The following PCDHGA10 variants were observed in gnomAD, a reference collection of about 807,000 sequenced individuals.
The protein encoded by PCDHGA10 is protocadherin gamma-A10.
A neutral mutation model predicts 59.5 loss-of-function variants in PCDHGA10; 42 were observed. The observed-to-expected ratio is 0.71, with a 90% CI of 0.55 to 0.91. The LOEUF is 0.91. Ranked by LOEUF, PCDHGA10 falls within the 40% of genes least tolerant of loss-of-function variation. The probability of loss-of-function intolerance (pLI) is 0.00; values close to 1 mark genes in which losing one functional copy is unlikely to be tolerated. For synonymous variants in PCDHGA10, 511 were observed against 517.2 expected (o/e 0.99, Z 0.16); for missense variants, 1,111 against 1,198.2 (o/e 0.93, Z 1.07).
chr5:141,416,722 A>G (rs891558095), intron 1 of PCDHGA10: 3 of 152,258 alleles, frequency 2.0e-5, no homozygotes, highest in Admixed American at 6.5e-5. Context: ...TGATGAGTTC[A>G]TTTAGTTCAA....
At chr5:141,449,658 C>T (rs1413506303) in intron 1 of PCDHGA10, among the ~76,000 whole-genome samples, 5 of 149,582 alleles carry the variant, frequency 3.3e-5, no homozygotes, top group Admixed American at 3.3e-4. Flanking sequence ...TTTACATACA[C>T]ACCCAAGTGT....
At position 141,414,543 on chromosome 5, in the gene PCDHGA10, C is replaced by T. The variant is rs369387885; in HGVS notation, c.1368C>T (p.Phe456=). The T allele has an allele frequency of 5.0e-6, 8 of 1,613,880 alleles. No individual in the cohort carries two copies. The African/African-American group carries it at 1.1e-4, about 22-fold the overall frequency. ...VADINDNPPT[F]SQVSYFTYIP... is the part of the protein sequence containing the mutation. ...ATATCAATGACAACCCACCTACCTT[C>T]TCTCAAGTCTCCTACTTTACCTATA... The change falls in exon 1 of 4, where the codon TTC becomes TTT. Residue 456 remains phenylalanine (F), a synonymous_variant. Transcript: ENST00000398610.
chr5:141,499,418 A>G (rs143234735), intron 2 of PCDHGA10, among the ~76,000 whole-genome samples: 1 of 152,296 alleles, frequency 6.6e-6, no homozygotes, highest in East Asian at 1.9e-4. Context: ...GAAACATGAA[A>G]AATAGAAAAA....
chr5:141,421,358 C>T (rs2096566137), intron 1 of PCDHGA10: 1 of 1,613,870 alleles, frequency 6.2e-7, no homozygotes, highest in Non-Finnish European at 8.5e-7. Context: ...GAAAAGGGCT[C>T]CTTCGTGGGC....
At chr5:141,435,421 C>T (rs1384040447) in intron 1 of PCDHGA10, among the ~76,000 whole-genome samples, 2 of 152,096 alleles carry the variant, frequency 1.3e-5, no homozygotes, top group Non-Finnish European at 2.9e-5. Context: ...CTATTTTTCA[C>T]TTCTGTTATG....
chr5:141,505,507 A>G, intron 3 of PCDHGA10, 26 bp downstream of exon 3: 1 of 1,614,004 alleles, frequency 6.2e-7, no homozygotes, highest in South Asian at 1.1e-5. Flanking sequence ...GTGTGTATGG[A>G]AGAGTGGGAG....
intron 1 of PCDHGA10, among the ~76,000 whole-genome samples, chr5:141,481,913 CAAAAA>C (rs34114744): frequency 1.1e-5 from 1 of 90,852 alleles, no homozygotes; most frequent in Non-Finnish European, 2.2e-5. Flanking sequence ...AACTCCATCT[CAAAAA>C]AAAAAAAAAA....
In PCDHGA10 at chr5:141,451,935, A is replaced by G. The variant is rs148815534; in HGVS notation, c.2436+36324A>G. Among the ~76,000 whole-genome samples, 120 of 152,282 alleles carry G rather than the reference A, an allele frequency of 7.9e-4. 5 individuals carry two copies. The East Asian group carries it at 0.017, about 21-fold the overall frequency. ...GAGGAAGGAAGGGAGGTAGGGAGGC[A>G]GGGAAAGACCGAGAAAGTGACATAC... On this transcript the variant is annotated intron_variant, in intron 1 of 3. Coordinates refer to ENST00000398610, the MANE Select transcript of PCDHGA10 (RefSeq NM_018913.3).
In PCDHGA10 at chr5:141,430,200, T is replaced by G. The variant is rs182960813; in HGVS notation, c.2436+14589T>G. Among the ~76,000 whole-genome samples the G allele has an allele frequency of 8.2e-4, 124 of 152,052 alleles. 2 individuals are homozygous for G. Among genetic ancestry groups the G allele is most frequent in the African/African-American group, 2.9e-3 (119 of 41,468 alleles). ...CCCAAATTATAGCTGAATCAGAAAG[T>G]TTAAATTATTATATTATATGATTTG... On this transcript the variant is annotated intron_variant, in intron 1 of 3. Transcript: ENST00000398610.
In PCDHGA10 at chr5:141,459,848, C is replaced by T. The variant is rs573481876; in HGVS notation, c.2437-34959C>T. Among the ~76,000 whole-genome samples the T allele has an allele frequency of 1.1e-4, 16 of 152,244 alleles. No homozygotes were observed. In the South Asian group the frequency reaches 2.5e-3, roughly 24 times the overall value. ...TTTCATGTGTTGTCTATTTGTATATCTTCTTGAAGCATTCGTTCATCTTTA... is the reference window on the plus strand; with the variant it reads ...TTTCATGTGTTGTCTATTTGTATATTTTCTTGAAGCATTCGTTCATCTTTA... On this transcript the variant is annotated intron_variant, in intron 1 of 3. Transcript: ENST00000398610.
rs62379205 is a variant in PCDHGA10, at chr5:141,491,971, T to G, written c.2437-2836T>G. On this transcript the variant is annotated intron_variant, in intron 1 of 3. Coordinates refer to ENST00000398610, the MANE Select transcript of PCDHGA10 (RefSeq NM_018913.3). This position sits in a 1 kb window ranked among gnomAD's most constrained non-coding sequence, Gnocchi z 6.9. ...CCTACACTCAAAAAAGGCCGGGGCC[T>G]CCTTCGAGCTTCCGGTGAATTTCGG... The G allele has an allele frequency of 3.6e-6, 3 of 831,948 alleles. No homozygotes were observed. Among genetic ancestry groups the G allele is most frequent in the Admixed American group, 3.7e-5 (1 of 26,692 alleles). The allele number at this position is 831,948 out of a possible 1,614,324, so 51.5% of individuals were successfully genotyped here.
rs138831045 is a variant in PCDHGA10 at position 141,462,238 on chromosome 5, G to A, written c.2437-32569G>A. Among the ~76,000 whole-genome samples the A allele has an allele frequency of 2.9e-3, 441 of 152,288 alleles. 3 individuals carry two copies. Among genetic ancestry groups the A allele is most frequent in the African/African-American group, 9.9e-3 (412 of 41,566 alleles). On this transcript the variant is annotated intron_variant, in intron 1 of 3. Coordinates refer to ENST00000398610, the MANE Select transcript of PCDHGA10 (RefSeq NM_018913.3). ...GCCTCCCAAAGTGCAGGGATTACAG[G>A]TATGAGCCACCATGACCAGCCTAAA...
intron 1 of PCDHGA10, chr5:141,419,237 C>A (rs2096348240): frequency 6.2e-7 from 1 of 1,613,988 alleles, no homozygotes; most frequent in Non-Finnish European, 8.5e-7. Flanking sequence ...CTACCTGGTC[C>A]ACGTGCCAGA....
In PCDHGA10 at chr5:141,485,313, A is replaced by G. The variant is rs758628263; in HGVS notation, c.2437-9494A>G. On this transcript the variant is annotated intron_variant, in intron 1 of 3. Transcript: ENST00000398610. The surrounding 1 kb of genome is among the most constrained non-coding windows in gnomAD (Gnocchi z 5.7). Reference sequence around the variant, plus strand: ...TCACAGGAAGGGACTTTTGTAGGGAATGTCGCTCAAGATTTCCTGCTGGAT... The same window carrying G: ...TCACAGGAAGGGACTTTTGTAGGGAGTGTCGCTCAAGATTTCCTGCTGGAT... 1.2e-6 allele frequency: 2 copies of G among 1,614,186 alleles called. No individual in the cohort carries two copies. Among genetic ancestry groups the G allele is most frequent in the African/African-American group, 1.3e-5 (1 of 75,054 alleles).
intron 3 of PCDHGA10, among the ~76,000 whole-genome samples, chr5:141,509,429 T>G (rs2099876771): frequency 6.6e-6 from 1 of 151,964 alleles, no homozygotes; most frequent in Non-Finnish European, 1.5e-5. Context: ...TGAGTCAAAC[T>G]CTTGTTTCCT....
rs376526750 is a variant in PCDHGA10 at position 141,476,593 on chromosome 5, G to T, written c.2437-18214G>T. The T allele has an allele frequency of 8.5e-5, 138 of 1,614,104 alleles. No individual in the cohort carries two copies. The highest frequency in any genetic ancestry group is 1.1e-4 in the Non-Finnish European group (133 of 1,180,044). On this transcript the variant is annotated intron_variant, in intron 1 of 3. Transcript: ENST00000398610. The surrounding 1 kb of genome is among the most constrained non-coding windows in gnomAD (Gnocchi z 7.6). ...GGACGCGCTTTCCGCTCGAGAGCGCGCACGATCCCGATGTGGGAAGCAACT... is the reference window on the plus strand; with the variant it reads ...GGACGCGCTTTCCGCTCGAGAGCGCTCACGATCCCGATGTGGGAAGCAACT...
chr5:141,467,693 G>A lies in PCDHGA10; in HGVS notation c.2437-27114G>A, dbSNP rs543886467. Among the ~76,000 whole-genome samples the A allele has an allele frequency of 2.0e-4, 30 of 152,110 alleles. No individual in the cohort carries two copies. In the South Asian group the frequency reaches 5.6e-3, roughly 28 times the overall value. On this transcript the variant is annotated intron_variant, in intron 1 of 3. Transcript: ENST00000398610. ...TTTTATTTTTTTTAGACAGGGTCTGGCTCTGTTGCCCAGGCTGGAGTGTAG... is the reference window on the plus strand; with the variant it reads ...TTTTATTTTTTTTAGACAGGGTCTGACTCTGTTGCCCAGGCTGGAGTGTAG...
chr5:141,505,371 C>T (rs2099845827), intron 2 of PCDHGA10, 22 bp from the exon 3 acceptor site: 4 of 1,613,980 alleles, frequency 2.5e-6, no homozygotes, highest in Non-Finnish European at 3.4e-6. Context: ...AGTCTGTGCT[C>T]ACCATCCTAC....
chr5:141,439,716 C>T (rs2098127719), intron 1 of PCDHGA10: 1 of 152,476 alleles, frequency 6.6e-6, no homozygotes, highest in Non-Finnish European at 1.5e-5. Flanking sequence ...CCTAGTTCTA[C>T]AAATTATAAG....
Sources: allele counts gnomAD v4.1 joint callset (sites outside exome capture counted in the v4.1 genomes callset), GRCh38; gene constraint gnomAD v4.1.1; non-coding constraint Gnocchi (gnomAD v3.1); transcripts MANE v1.5; gene names NCBI Gene and HGNC (gene_info 2026-07-23, HGNC 2026-07-21).